Variants in SLC24A2 observed in about 807,000 individuals in gnomAD.
The protein encoded by SLC24A2 is sodium/potassium/calcium exchanger 2.
SLC24A2 carries 36 observed loss-of-function variants against 62.0 expected under a neutral mutation model. That is an observed-to-expected ratio of 0.58 (90% CI 0.44 to 0.77). The LOEUF (loss-of-function observed/expected upper bound fraction) is 0.77, where lower values mean the gene tolerates loss of function less well. SLC24A2 is among the 30% of genes least tolerant of loss of function. The pLI is 0.00. For missense variants in SLC24A2, 846 were observed against 817.9 expected (o/e 1.03, Z -0.42); for synonymous variants, 358 against 294.0 (o/e 1.22, Z -2.23).
the SLC24A2 span, among the ~76,000 whole-genome samples, chr9:19,890,194 G>C: frequency 1.3e-5 from 2 of 152,152 alleles, no homozygotes; most frequent in Admixed American, 6.5e-5. Flanking sequence ...CCAAATGCTG[G>C]AGAAAGAGTC....
the SLC24A2 span, among the ~76,000 whole-genome samples, chr9:19,966,770 G>A: frequency 1.3e-5 from 2 of 152,130 alleles, no homozygotes; most frequent in Non-Finnish European, 2.9e-5. Context: ...ACAATTAACA[G>A]AGTAGTGGAA....
intron 5 of SLC24A2, among the ~76,000 whole-genome samples, chr9:19,590,894 A>T (rs536592295): frequency 6.7e-4 from 102 of 152,306 alleles, no homozygotes; most frequent in Non-Finnish European, 1.1e-3. Context: ...TACTACAAGA[A>T]AGTAGTAGAT....
chr9:19,671,920 G>C (rs1403604131), intron 2 of SLC24A2, among the ~76,000 whole-genome samples: 1 of 146,002 alleles, frequency 6.8e-6, no homozygotes, highest in Non-Finnish European at 1.5e-5. Context: ...GATTATGGTG[G>C]ATTTTTTTTT....
chr9:20,177,909 G>GA, the SLC24A2 span, among the ~76,000 whole-genome samples: 14 of 152,114 alleles, frequency 9.2e-5, no homozygotes, highest in African/African-American at 3.4e-4. Flanking sequence ...TTGCCGAGGG[G>GA]ACACGCTCAG....
At chr9:20,007,480 T>A in the SLC24A2 span, among the ~76,000 whole-genome samples, 1 of 152,124 alleles carries the variant, frequency 6.6e-6, no homozygotes, top group South Asian at 2.1e-4. Context: ...TCCAAATCAG[T>A]TACCTTTATA....
chr9:19,586,688 T>C (rs1317181467), intron 5 of SLC24A2, among the ~76,000 whole-genome samples: 1 of 152,178 alleles, frequency 6.6e-6, no homozygotes, highest in South Asian at 2.1e-4. Flanking sequence ...CAGAATATGA[T>C]GTTTCAGGAA....
the SLC24A2 span, among the ~76,000 whole-genome samples, chr9:20,129,928 T>TACACAC: frequency 0.02 from 2,833 of 141,846 alleles, 55 homozygotes; most frequent in African/African-American, 0.048. Context: ...TATAATTTAC[T>TACACAC]ACACACACAC....
chr9:20,155,848 C>T, the SLC24A2 span, among the ~76,000 whole-genome samples: 5 of 151,664 alleles, frequency 3.3e-5, no homozygotes, highest in Admixed American at 3.3e-4. Context: ...TCCTGAATGA[C>T]TTCAAAGTAA....
chr9:20,296,753 G>A, the SLC24A2 span, among the ~76,000 whole-genome samples: 10 of 152,324 alleles, frequency 6.6e-5, no homozygotes, highest in Non-Finnish European at 1.0e-4. Context: ...AAAGCTGGGT[G>A]TACAGAATTG....
At chr9:20,002,715 G>A in the SLC24A2 span, among the ~76,000 whole-genome samples, 9 of 152,184 alleles carry the variant, frequency 5.9e-5, no homozygotes, top group South Asian at 2.1e-4. Flanking sequence ...GGAGGTCACA[G>A]AAGTTTCTGG....
chr9:19,734,500 G>C (rs1359572696), intron 2 of SLC24A2, among the ~76,000 whole-genome samples: 1 of 152,104 alleles, frequency 6.6e-6, no homozygotes, highest in Non-Finnish European at 1.5e-5. Context: ...TCACAATATT[G>C]ATTCTTCCTA....
chr9:19,856,951 C>T, the SLC24A2 span, among the ~76,000 whole-genome samples: 72 of 152,314 alleles, frequency 4.7e-4, 1 homozygote, highest in East Asian at 0.011. Flanking sequence ...AGACCACCAC[C>T]GCCATGTGGG....
chr9:20,057,255 C>G, the SLC24A2 span, among the ~76,000 whole-genome samples: 5 of 152,194 alleles, frequency 3.3e-5, no homozygotes, highest in African/African-American at 1.2e-4. Context: ...GTGTGATGCT[C>G]ATTATGTTAT....
chr9:19,632,272 C>T lies in SLC24A2; in HGVS notation c.931-9973G>A, dbSNP rs985038838. Among the ~76,000 whole-genome samples the T allele has an allele frequency of 6.6e-6, 1 of 152,204 alleles. No homozygotes were observed. Among genetic ancestry groups the T allele is most frequent in the East Asian group, 1.9e-4 (1 of 5,200 alleles). ...CAAATTGTCATTTTATCTATGCCTA[C>T]CTGGGATGTTACCATGTTATTCCCT... On this transcript the variant is annotated intron_variant, in intron 2 of 10. Transcript: ENST00000341998. The surrounding 1 kb of genome is among the most constrained non-coding windows in gnomAD (Gnocchi z 4.5).
chr9:19,829,053 T>C, the SLC24A2 span, among the ~76,000 whole-genome samples: 1 of 152,166 alleles, frequency 6.6e-6, no homozygotes, highest in Non-Finnish European at 1.5e-5. Context: ...TTTTCATCTT[T>C]AACCCTTTGC....
At chr9:19,811,349 C>A in the SLC24A2 span, among the ~76,000 whole-genome samples, 3 of 152,252 alleles carry the variant, frequency 2.0e-5, no homozygotes, top group East Asian at 1.9e-4. Context: ...TTATAGCACA[C>A]CAAACTAAAA....
chr9:20,268,311 G>C, the SLC24A2 span, among the ~76,000 whole-genome samples: 1 of 152,154 alleles, frequency 6.6e-6, no homozygotes, highest in Non-Finnish European at 1.5e-5. Flanking sequence ...GCTATGGTTT[G>C]AATGTCTCCT....
At chr9:19,764,397 G>A (rs1243880674) in intron 2 of SLC24A2, among the ~76,000 whole-genome samples, 2 of 152,200 alleles carry the variant, frequency 1.3e-5, no homozygotes, top group African/African-American at 4.8e-5. Context: ...TGATGTTAGA[G>A]TGTCAATTTT....
intron 2 of SLC24A2, among the ~76,000 whole-genome samples, chr9:19,667,187 C>A (rs1164882872): frequency 6.6e-6 from 1 of 152,130 alleles, no homozygotes. Context: ...AAAGAAGTTG[C>A]TAAAATCATG....
Sources: gnomAD v4.1 joint callset for allele counts (sites outside exome capture counted in the v4.1 genomes callset) on GRCh38, gnomAD v4.1.1 for gene constraint, Gnocchi (gnomAD v3.1) non-coding constraint, MANE v1.5 for transcripts, NCBI Gene and HGNC (gene_info 2026-07-23, HGNC 2026-07-21) for gene names.